Variants in PITPNM2 observed in about 807,000 individuals in gnomAD.
The protein encoded by PITPNM2 is membrane-associated phosphatidylinositol transfer protein 2.
A neutral mutation model predicts 132.2 loss-of-function variants in PITPNM2; 35 were observed. The ratio of observed to expected loss-of-function variants is 0.26; its 90% CI spans 0.20 to 0.35. The LOEUF (loss-of-function observed/expected upper bound fraction) is 0.35, where lower values mean the gene tolerates loss of function less well. Among genes scored for constraint, PITPNM2 ranks in the 10% least tolerant of loss-of-function variants. The pLI is 1.00. For missense variants in PITPNM2, 1,332 were observed against 1,912.0 expected (o/e 0.70, Z 5.66); for synonymous variants, 738 against 799.2 (o/e 0.92, Z 1.29).
intron 16 of PITPNM2, among the ~76,000 whole-genome samples, chr12:122,990,910 A>G (rs536572584): frequency 6.6e-6 from 1 of 152,228 alleles, no homozygotes; most frequent in Non-Finnish European, 1.5e-5. Context: ...GGCAGGGTGG[A>G]CTGACGAATG....
intron 2 of PITPNM2, among the ~76,000 whole-genome samples, chr12:123,057,699 G>A (rs1302675865): frequency 1.3e-5 from 2 of 152,230 alleles, no homozygotes; most frequent in Non-Finnish European, 2.9e-5. Flanking sequence ...GGTGGTGACG[G>A]TTCATCTGAG....
At chr12:123,121,215 G>C (rs894129280) in intron 1 of PITPNM2, among the ~76,000 whole-genome samples, 3 of 152,232 alleles carry the variant, frequency 2.0e-5, no homozygotes, top group Non-Finnish European at 2.9e-5. Flanking sequence ...GCTGTTCAAA[G>C]AGCTCCAGTT....
intron 2 of PITPNM2, among the ~76,000 whole-genome samples, chr12:123,069,162 AG>A (rs937553812): frequency 3.3e-5 from 5 of 151,820 alleles, no homozygotes; most frequent in African/African-American, 1.2e-4. Flanking sequence ...CTGAGGCAGG[AG>A]GATGACTTGA....
chr12:123,142,706 G>C (rs140342309), intron 1 of PITPNM2, among the ~76,000 whole-genome samples: 8 of 152,124 alleles, frequency 5.3e-5, no homozygotes, highest in African/African-American at 1.9e-4. Context: ...TTCCTTACAC[G>C]ATAACCCGCT....
intron 5 of PITPNM2, 65 bp downstream of exon 5, chr12:123,012,548 C>A (rs1448728904): frequency 1.1e-5 from 18 of 1,584,330 alleles, no homozygotes; most frequent in Non-Finnish European, 1.4e-5. Context: ...AGGGGCAGGA[C>A]AAGAGGGACC....
At chr12:123,037,245 A>G (rs2040302283) in intron 2 of PITPNM2, among the ~76,000 whole-genome samples, 1 of 152,246 alleles carries the variant, frequency 6.6e-6, no homozygotes, top group Non-Finnish European at 1.5e-5. Flanking sequence ...TAGCACAGGC[A>G]CCTGATCTGA....
intron 1 of PITPNM2, among the ~76,000 whole-genome samples, chr12:123,110,726 G>C (rs2042818133): frequency 6.6e-6 from 1 of 152,180 alleles, no homozygotes; most frequent in South Asian, 2.1e-4. Context: ...CTTCTACTTA[G>C]GAAAACTGCT....
intron 1 of PITPNM2, among the ~76,000 whole-genome samples, chr12:123,122,692 A>G (rs1212077383): frequency 6.6e-6 from 1 of 151,984 alleles, no homozygotes; most frequent in Admixed American, 6.6e-5. Flanking sequence ...CCAGACCACA[A>G]CCTGACTACA....
chr12:122,997,422 C>T lies in PITPNM2; in HGVS notation c.1375G>A (p.Val459Ile), dbSNP rs148508542. Residue 459 changes from valine (V) to isoleucine (I), a missense_variant, in exon 11 of 26, where the codon GTC (valine) becomes ATC (isoleucine). By Grantham distance (29) the Val-to-Ile change is conservative. Transcript: ENST00000320201. ...GCGCTGGGGTAGTGCACGCGCATGA[C>T]GGTGTCGAACACGTTGGCGATGGTG... ...ANTIANVFDT[V>I]MRVHYPSALG... 10 of 1,613,424 alleles carry T rather than the reference C, an allele frequency of 6.2e-6. No individual in the cohort carries two copies. Among genetic ancestry groups the T allele is most frequent in the South Asian group, 3.3e-5 (3 of 91,094 alleles).
In PITPNM2 at chr12:123,098,000, GAC is replaced by G. The variant is rs1414885809; in HGVS notation, c.-96+12383_-96+12384del. On this transcript the variant is annotated intron_variant, in intron 2 of 25. Transcript: ENST00000320201. The surrounding 1 kb of genome is among the most constrained non-coding windows in gnomAD (Gnocchi z 4.7). ...GCCAGGCCACAGGGAGACCAAAGGT[GAC>G]AGAGATTCCTGACGTCAGTGTGCTA... 2.6e-5 allele frequency among the ~76,000 whole-genome samples: 4 copies of G among 152,250 alleles called. No homozygotes were observed. The highest frequency in any genetic ancestry group is 9.6e-5 in the African/African-American group (4 of 41,466).
At chr12:123,051,963 C>T (rs960268282) in intron 2 of PITPNM2, among the ~76,000 whole-genome samples, 4 of 150,496 alleles carry the variant, frequency 2.7e-5, no homozygotes, top group African/African-American at 7.3e-5. Flanking sequence ...AGTGCCGTGG[C>T]GCCATCTCGG....
intron 2 of PITPNM2, among the ~76,000 whole-genome samples, chr12:123,056,790 A>G (rs1349369193): frequency 6.6e-6 from 1 of 152,090 alleles, no homozygotes; most frequent in Admixed American, 6.5e-5. Context: ...TCCTGTGCCC[A>G]AGATCCTATC....
intron 6 of PITPNM2, chr12:123,006,243 A>T (rs888795271): frequency 2.6e-5 from 4 of 152,170 alleles, no homozygotes; most frequent in Non-Finnish European, 4.4e-5. Context: ...TTCCCACGGA[A>T]AATCAAGTTC....
intron 1 of PITPNM2, among the ~76,000 whole-genome samples, chr12:123,127,836 C>A (rs1471657892): frequency 6.6e-6 from 1 of 152,114 alleles, no homozygotes; most frequent in Non-Finnish European, 1.5e-5. Context: ...GTATCAATCT[C>A]CTGACCTCGT....
intron 10 of PITPNM2, among the ~76,000 whole-genome samples, chr12:122,999,342 AAC>A (rs997390404): frequency 6.6e-6 from 1 of 152,198 alleles, no homozygotes; most frequent in African/African-American, 2.4e-5. Flanking sequence ...CCTGGACACA[AAC>A]ACACTCAGCC....
Position 123,023,740 on chromosome 12 carries a change from T to G in PITPNM2, c.79-9698A>C, listed in dbSNP as rs1566253437. Among the ~76,000 whole-genome samples the G allele has an allele frequency of 6.6e-6, 1 of 152,150 alleles. No homozygotes were observed. Among genetic ancestry groups the G allele is most frequent in the Non-Finnish European group, 1.5e-5 (1 of 68,022 alleles). On this transcript the variant is annotated intron_variant, in intron 3 of 25. Coordinates refer to ENST00000320201, the MANE Select transcript of PITPNM2 (RefSeq NM_020845.3). The surrounding 1 kb of genome is among the most constrained non-coding windows in gnomAD (Gnocchi z 4.8). ...TGAACTGGCAATCGTTTTGGAGCCA[T>G]GACACCAAAAGCACAAGCAACAAAA...
chr12:123,056,992 C>G (rs575505103), intron 2 of PITPNM2, among the ~76,000 whole-genome samples: 7 of 152,252 alleles, frequency 4.6e-5, no homozygotes, highest in South Asian at 2.1e-4. Context: ...TCAGAAGCCT[C>G]GGATCCCAAA....
intron 2 of PITPNM2, among the ~76,000 whole-genome samples, chr12:123,098,417 T>G (rs2042466107): frequency 6.6e-6 from 1 of 151,968 alleles, no homozygotes; most frequent in Non-Finnish European, 1.5e-5. Flanking sequence ...ATAAGAAACA[T>G]GTGCAGGCCA....
At chr12:123,002,031 CAAA>C (rs559502036) in intron 8 of PITPNM2, among the ~76,000 whole-genome samples, 1 of 118,300 alleles carries the variant, frequency 8.5e-6, no homozygotes. Flanking sequence ...ACTCTTGTCT[CAAA>C]AAAAAAAAAA....
Sources: allele counts gnomAD v4.1 joint callset (sites outside exome capture counted in the v4.1 genomes callset), GRCh38; gene constraint gnomAD v4.1.1; non-coding constraint Gnocchi (gnomAD v3.1); transcripts MANE v1.5; gene names NCBI Gene and HGNC (gene_info 2026-07-23, HGNC 2026-07-21).